Variants in PDE4D observed in about 807,000 individuals in gnomAD.
The protein encoded by PDE4D is phosphodiesterase 4D, also known as 3',5'-cyclic-AMP phosphodiesterase 4D.
Under a neutral mutation model 87.4 loss-of-function variants are expected in PDE4D, and 24 were observed. The ratio of observed to expected loss-of-function variants is 0.27; its 90% confidence interval spans 0.20 to 0.39. PDE4D has a LOEUF of 0.39. PDE4D is among the 10% of genes least tolerant of loss of function. The pLI is 1.00. For synonymous variants in PDE4D, 384 were observed against 383.2 expected (o/e 1.00, Z -0.02); for missense variants, 714 against 1,041.0 (o/e 0.69, Z 4.32).
intron 2 of PDE4D, among the ~76,000 whole-genome samples, chr5:60,123,629 CAG>C (rs1329457171): frequency 2.3e-4 from 35 of 151,848 alleles, no homozygotes; most frequent in Admixed American, 1.6e-3. Flanking sequence ...GGTGGGGACA[CAG>C]AGCCAAACCG....
chr5:59,522,145 G>A (rs1398220081), intron 1 of PDE4D, among the ~76,000 whole-genome samples: 1 of 152,128 alleles, frequency 6.6e-6, no homozygotes, highest in East Asian at 1.9e-4. Flanking sequence ...AATCAGCTCA[G>A]CTCCTTGGTG....
chr5:59,149,418 T>C (rs1779134581), intron 5 of PDE4D, among the ~76,000 whole-genome samples: 1 of 152,158 alleles, frequency 6.6e-6, no homozygotes, highest in Non-Finnish European at 1.5e-5. Context: ...CACATTGCTG[T>C]ATCCCATTTA....
intron 2 of PDE4D, among the ~76,000 whole-genome samples, chr5:60,167,017 G>A (rs1433030263): frequency 6.6e-6 from 1 of 152,048 alleles, no homozygotes; most frequent in Non-Finnish European, 1.5e-5. Flanking sequence ...ATCGTAATAT[G>A]TATTGAATAG....
rs547086155 is a variant in PDE4D at position 59,441,266 on chromosome 5, T to A, written c.456-225298A>T. Among the ~76,000 whole-genome samples, 17 of 152,232 alleles carry A rather than the reference T, an allele frequency of 1.1e-4. No individual in the cohort carries two copies. In the East Asian group the frequency reaches 1.2e-3, roughly 10 times the overall value. On this transcript the variant is annotated intron_variant, in intron 1 of 14. Coordinates refer to ENST00000340635, the MANE Select transcript of PDE4D (RefSeq NM_001104631.2). ...TGGGCCACTGCACAAGCTAATTTTT[T>A]AAAAATTTTTAGGAGAGACAGTGAT...
chr5:59,138,110 T>G (rs1581008441), intron 5 of PDE4D, among the ~76,000 whole-genome samples: 1 of 152,330 alleles, frequency 6.6e-6, no homozygotes, highest in Middle Eastern at 3.4e-3. Flanking sequence ...GGATACATAT[T>G]ACTTCACTTT....
chr5:59,606,163 C>T (rs1266608691), intron 1 of PDE4D, among the ~76,000 whole-genome samples: 2 of 151,836 alleles, frequency 1.3e-5, no homozygotes, highest in Admixed American at 6.6e-5. Context: ...CTATGTGAAC[C>T]CCAGATCAAC....
intron 1 of PDE4D, among the ~76,000 whole-genome samples, chr5:59,890,654 A>G (rs991821748): frequency 1.3e-5 from 2 of 152,180 alleles, no homozygotes; most frequent in Non-Finnish European, 2.9e-5. Flanking sequence ...TTCTGCACAC[A>G]TTTATTTAAG....
At chr5:60,362,746 C>T (rs1438593326) in intron 1 of PDE4D, among the ~76,000 whole-genome samples, 1 of 151,852 alleles carries the variant, frequency 6.6e-6, no homozygotes, top group Non-Finnish European at 1.5e-5. Context: ...GTAGTCCCAG[C>T]TACTCAGGAG....
intron 1 of PDE4D, among the ~76,000 whole-genome samples, chr5:59,866,217 C>T (rs1747015488): frequency 6.6e-6 from 1 of 152,094 alleles, no homozygotes; most frequent in South Asian, 2.1e-4. Context: ...GACTCCTATA[C>T]ATACTTCTTT....
intron 2 of PDE4D, among the ~76,000 whole-genome samples, chr5:60,108,766 T>C (rs1777336200): frequency 1.3e-5 from 2 of 152,154 alleles, no homozygotes; most frequent in Admixed American, 1.3e-4. Context: ...GGGAAACGAT[T>C]CCCTATTTAA....
intron 1 of PDE4D, among the ~76,000 whole-genome samples, chr5:60,520,303 T>C (rs976860478): frequency 6.6e-6 from 1 of 152,182 alleles, no homozygotes; most frequent in Admixed American, 6.5e-5. Flanking sequence ...AGTGGAATGC[T>C]CTCCCATGTC....
At chr5:59,149,373 G>T in intron 5 of PDE4D, among the ~76,000 whole-genome samples, 1 of 152,058 alleles carries the variant, frequency 6.6e-6, no homozygotes, top group East Asian at 1.9e-4. Flanking sequence ...AATTTAATTT[G>T]CCCTAACATT....
chr5:60,349,800 T>C (rs1759033672), intron 1 of PDE4D, among the ~76,000 whole-genome samples: 1 of 152,144 alleles, frequency 6.6e-6, no homozygotes, highest in Non-Finnish European at 1.5e-5. Flanking sequence ...ACATTAACAT[T>C]AAAGTAATTA....
At chr5:59,099,813 G>T in intron 5 of PDE4D, among the ~76,000 whole-genome samples, 1 of 151,858 alleles carries the variant, frequency 6.6e-6, no homozygotes, top group East Asian at 1.9e-4. Flanking sequence ...TCTCTTCTTC[G>T]ATTATGGCCA....
At chr5:59,996,026 A>G (rs973309267) in intron 2 of PDE4D, among the ~76,000 whole-genome samples, 2 of 152,270 alleles carry the variant, frequency 1.3e-5, no homozygotes, top group African/African-American at 2.4e-5. Flanking sequence ...GTTGAAACAC[A>G]TAATAGGGAA....
chr5:60,331,477 C>T (rs899403162), intron 1 of PDE4D, among the ~76,000 whole-genome samples: 5 of 152,322 alleles, frequency 3.3e-5, no homozygotes, highest in East Asian at 3.9e-4. Context: ...TATGTATGGA[C>T]GCCATGGTTT....
At chr5:59,945,852 C>G (rs1757676840) in intron 3 of PDE4D, among the ~76,000 whole-genome samples, 1 of 152,168 alleles carries the variant, frequency 6.6e-6, no homozygotes, top group African/African-American at 2.4e-5. Context: ...CTCCTAATCA[C>G]CCTCACTTAA....
intron 5 of PDE4D, among the ~76,000 whole-genome samples, chr5:59,150,399 C>A (rs914293082): frequency 6.6e-6 from 1 of 152,194 alleles, no homozygotes; most frequent in Non-Finnish European, 1.5e-5. Flanking sequence ...GTAGACTGGA[C>A]TTCTGGGCTT....
At chr5:59,422,516 G>A (rs1323206980) in intron 1 of PDE4D, among the ~76,000 whole-genome samples, 1 of 152,158 alleles carries the variant, frequency 6.6e-6, no homozygotes, top group South Asian at 2.1e-4. Context: ...TACAAAGTAC[G>A]ATAAAAGGTG....
Sources: gnomAD v4.1 joint callset for allele counts (sites outside exome capture counted in the v4.1 genomes callset) on GRCh38, gnomAD v4.1.1 for gene constraint, MANE v1.5 for transcripts, NCBI Gene and HGNC (gene_info 2026-07-23, HGNC 2026-07-21) for gene names.